The following CCNY variants were observed in gnomAD, a reference collection of about 807,000 sequenced individuals.
CCNY encodes cyclin Y, also known as cyclin-Y.
In CCNY, 19 loss-of-function variants were observed where a neutral mutation model predicts 42.8. The observed-to-expected ratio is 0.44, with a 90% CI of 0.31 to 0.65. The LOEUF (loss-of-function observed/expected upper bound fraction) is 0.65. Ranked by LOEUF, CCNY falls within the 30% of genes least tolerant of loss-of-function variation. The pLI is 0.07. For synonymous variants in CCNY, 165 were observed against 162.7 expected, an observed-to-expected ratio of 1.01 and a Z score of -0.11; for missense variants, 370 against 437.3, an observed-to-expected ratio of 0.85 and a Z score of 1.37.
intron 2 of CCNY, among the ~76,000 whole-genome samples, chr10:35,495,839 A>G (rs2135384170): frequency 6.6e-6 from 1 of 152,326 alleles, no homozygotes; most frequent in East Asian, 1.9e-4. Flanking sequence ...TCAGCAGGGC[A>G]GGAGCCTCCA....
intron 4 of CCNY, among the ~76,000 whole-genome samples, chr10:35,517,805 A>G (rs1489848741): frequency 1.3e-5 from 2 of 152,316 alleles, no homozygotes; most frequent in African/African-American, 2.4e-5. Flanking sequence ...TAGCTCCACC[A>G]CGCATGCCCT....
At chr10:35,502,522 A>G (rs544029559) in intron 3 of CCNY, among the ~76,000 whole-genome samples, 1 of 152,254 alleles carries the variant, frequency 6.6e-6, no homozygotes, top group East Asian at 1.9e-4. Context: ...CCTTACACTC[A>G]AGGGACATGA....
At chr10:35,264,205 G>T (rs1400863418) in intron 3 of CCNY, among the ~76,000 whole-genome samples, 1 of 152,116 alleles carries the variant, frequency 6.6e-6, no homozygotes, top group East Asian at 1.9e-4. Context: ...CCAGTGATGG[G>T]ATTGCTGGGT....
intron 2 of CCNY, among the ~76,000 whole-genome samples, chr10:35,496,099 T>G (rs144626257): frequency 1.3e-5 from 2 of 152,398 alleles, no homozygotes; most frequent in East Asian, 3.9e-4. Flanking sequence ...TGGAGCTATC[T>G]CAGCAATCAG....
intron 3 of CCNY, among the ~76,000 whole-genome samples, chr10:35,508,297 A>G (rs758755641): frequency 6.6e-6 from 1 of 152,070 alleles, no homozygotes; most frequent in African/African-American, 2.4e-5. Flanking sequence ...TGCTTTTCTA[A>G]TGATACCTAG....
chr10:35,337,793 C>T (rs1336493778), intron 1 of CCNY, among the ~76,000 whole-genome samples: 1 of 151,974 alleles, frequency 6.6e-6, no homozygotes, highest in African/African-American at 2.4e-5. Flanking sequence ...TAGCTTCTCC[C>T]GAGAATGCTC....
Position 35,281,880 on chromosome 10 carries a change from A to G in CCNY, c.-9+31254A>G, listed in dbSNP as rs916954400. Among the ~76,000 whole-genome samples, 3 of 152,196 alleles carry G rather than the reference A, an allele frequency of 2.0e-5. No homozygotes were observed. The South Asian group carries it at 6.2e-4, about 31-fold the overall frequency. On this transcript the variant is annotated intron_variant, in intron 3 of 11. Coordinates refer to the CCNY transcript ENST00000374706. ...GAAAACACTCAATTCTACTCTGTAA[A>G]TGAGATATGTTTTATCTCTGTACAG...
intron 3 of CCNY, among the ~76,000 whole-genome samples, chr10:35,297,505 A>G (rs1835485183): frequency 6.6e-6 from 1 of 152,226 alleles, no homozygotes; most frequent in African/African-American, 2.4e-5. Context: ...GCAATGAGGC[A>G]GGAGGAAGAA....
chr10:35,282,164 A>G lies in CCNY; in HGVS notation c.-9+31538A>G, dbSNP rs543070087. On this transcript the variant is annotated intron_variant, in intron 3 of 11. Coordinates refer to the CCNY transcript ENST00000374706. ...GACAGCGTTGCTCACTCTGTCACCC[A>G]GGCTGGGAATGCAGTGGTGCAATCA... Among the ~76,000 whole-genome samples, 4 of 129,632 alleles carry G rather than the reference A, an allele frequency of 3.1e-5. No individual in the cohort carries two copies. In the South Asian group the frequency reaches 9.7e-4, roughly 32 times the overall value. 85.0% of individuals were successfully genotyped at this position (129,632 alleles called of 152,430 possible).
intron 3 of CCNY, among the ~76,000 whole-genome samples, chr10:35,252,746 C>T (rs2095712856): frequency 6.6e-6 from 1 of 152,034 alleles, no homozygotes; most frequent in Non-Finnish European, 1.5e-5. Flanking sequence ...CTTGATATTG[C>T]TTATGGTTCC....
At chr10:35,527,969 C>G (rs1328605893) in intron 5 of CCNY, among the ~76,000 whole-genome samples, 2 of 152,148 alleles carry the variant, frequency 1.3e-5, no homozygotes, top group African/African-American at 4.8e-5. Context: ...TTTCCTGAGT[C>G]GTCTTAGCTC....
intron 3 of CCNY, among the ~76,000 whole-genome samples, chr10:35,295,376 CAT>C: frequency 6.6e-6 from 1 of 151,854 alleles, no homozygotes; most frequent in Non-Finnish European, 1.5e-5. Flanking sequence ...GGATTACAGG[CAT>C]GTGCCACCAC....
At chr10:35,500,878 T>A (rs970773340) in intron 2 of CCNY, among the ~76,000 whole-genome samples, 3 of 151,644 alleles carry the variant, frequency 2.0e-5, no homozygotes, top group Non-Finnish European at 2.9e-5. Context: ...GTATCAATTA[T>A]GGTGACTGTT....
At chr10:35,522,977 G>A (rs1169714339) in intron 4 of CCNY, among the ~76,000 whole-genome samples, 1 of 152,142 alleles carries the variant, frequency 6.6e-6, no homozygotes. Context: ...CTGGCTGTTC[G>A]GGTGAATGCC....
chr10:35,384,648 G>A (rs755951416), intron 1 of CCNY, among the ~76,000 whole-genome samples: 2 of 152,078 alleles, frequency 1.3e-5, no homozygotes, highest in Non-Finnish European at 2.9e-5. Context: ...TACACATCAC[G>A]ACTCACATAG....
chr10:35,297,036 G>T (rs1835478965), intron 3 of CCNY, among the ~76,000 whole-genome samples: 1 of 151,758 alleles, frequency 6.6e-6, no homozygotes, highest in East Asian at 1.9e-4. Flanking sequence ...GATGAACATG[G>T]ATGCAAAAAT....
chr10:35,380,507 A>C (rs1173487574), intron 1 of CCNY, among the ~76,000 whole-genome samples: 1 of 152,232 alleles, frequency 6.6e-6, no homozygotes, highest in Non-Finnish European at 1.5e-5. Context: ...TATTTCAGAA[A>C]GTTTCAAAAC....
intron 1 of CCNY, among the ~76,000 whole-genome samples, chr10:35,360,516 C>T (rs1181659938): frequency 6.6e-6 from 1 of 151,750 alleles, no homozygotes; most frequent in African/African-American, 2.4e-5. Context: ...TCCTGGGCTC[C>T]AGCAGTCCTT....
chr10:35,282,336 A>G (rs1033020277), intron 3 of CCNY, among the ~76,000 whole-genome samples: 1 of 152,068 alleles, frequency 6.6e-6, no homozygotes, highest in Non-Finnish European at 1.5e-5. Context: ...TATGTTGCCC[A>G]GGTTGGTCTT....
Sources: allele counts gnomAD v4.1 joint callset (sites outside exome capture counted in the v4.1 genomes callset), GRCh38; gene constraint gnomAD v4.1.1; transcripts MANE v1.5; gene names NCBI Gene and HGNC (gene_info 2026-07-23, HGNC 2026-07-21).